PDE4D: variants seen among roughly 807,000 people sequenced by gnomAD.
PDE4D encodes the protein 3',5'-cyclic-AMP phosphodiesterase 4D.
Under a neutral mutation model 87.4 loss-of-function variants are expected in PDE4D, and 24 were observed. That is an observed-to-expected ratio of 0.27 (90% CI 0.20 to 0.39). The LOEUF (loss-of-function observed/expected upper bound fraction) is 0.39. Ranked by LOEUF, PDE4D falls within the 10% of genes least tolerant of loss-of-function variation. PDE4D has a pLI of 1.00. For missense variants in PDE4D, 714 were observed against 1,041.0 expected (o/e 0.69, Z 4.32); for synonymous variants, 384 against 383.2 (o/e 1.00, Z -0.02).
chr5:59,844,956 G>T (rs990606992), intron 1 of PDE4D, among the ~76,000 whole-genome samples: 2 of 152,066 alleles, frequency 1.3e-5, no homozygotes, highest in Admixed American at 6.6e-5. Context: ...AAGTGGCCAC[G>T]TTGTGAGAGG....
intron 1 of PDE4D, among the ~76,000 whole-genome samples, chr5:59,823,635 A>C (rs1051678876): frequency 6.6e-6 from 1 of 152,006 alleles, no homozygotes; most frequent in Admixed American, 6.6e-5. Flanking sequence ...AATGTAAATC[A>C]GTTTTGTCAT....
intron 1 of PDE4D, among the ~76,000 whole-genome samples, chr5:59,661,338 G>A (rs1343321563): frequency 6.6e-6 from 1 of 151,966 alleles, no homozygotes; most frequent in African/African-American, 2.4e-5. Context: ...CAAGTTAAGG[G>A]GCGAGACAGG....
chr5:59,574,114 A>ATATT (rs1822600139), intron 1 of PDE4D, among the ~76,000 whole-genome samples: 2 of 3,778 alleles, frequency 5.3e-4, no homozygotes, highest in African/African-American at 9.7e-4. Context: ...TTATATATAT[A>ATATT]TATAAATATA....
chr5:59,677,157 A>G (rs917507151), intron 1 of PDE4D, among the ~76,000 whole-genome samples: 1 of 152,124 alleles, frequency 6.6e-6, no homozygotes, highest in South Asian at 2.1e-4. Context: ...ATCTATTTGT[A>G]TATATACCCA....
chr5:59,600,505 A>C (rs939909775), intron 1 of PDE4D, among the ~76,000 whole-genome samples: 2 of 152,200 alleles, frequency 1.3e-5, no homozygotes, highest in African/African-American at 2.4e-5. Flanking sequence ...TTCATGTTAT[A>C]AGACAGTACA....
At chr5:59,708,762 A>G (rs549383228) in intron 1 of PDE4D, among the ~76,000 whole-genome samples, 1 of 152,312 alleles carries the variant, frequency 6.6e-6, no homozygotes, top group African/African-American at 2.4e-5. Flanking sequence ...CATGATGATT[A>G]ATTTGAACAT....
chr5:60,156,152 C>T (rs754558159), intron 2 of PDE4D, among the ~76,000 whole-genome samples: 62 of 152,304 alleles, frequency 4.1e-4, no homozygotes, highest in Non-Finnish European at 5.9e-4. Flanking sequence ...GATAAAACCA[C>T]AGTAATTGTT....
chr5:59,566,543 T>C (rs976524615), intron 1 of PDE4D, among the ~76,000 whole-genome samples: 2 of 117,102 alleles, frequency 1.7e-5, no homozygotes, highest in African/African-American at 7.7e-5. Flanking sequence ...CATGTGTGTG[T>C]GTGTGTGTGT....
chr5:59,001,271 C>CCTGTGCTTACTACT (rs1750486301), intron 6 of PDE4D, among the ~76,000 whole-genome samples: 1 of 152,114 alleles, frequency 6.6e-6, no homozygotes, highest in Non-Finnish European at 1.5e-5. Context: ...CATCTCAAAG[C>CCTGTGCTTACTACT]CTGTGCTTAC....
At position 59,200,616 on chromosome 5, in the gene PDE4D, C is replaced by T. The variant is rs1180233635; in HGVS notation, c.648-7080G>A. Among the ~76,000 whole-genome samples the T allele has an allele frequency of 4.6e-4, 62 of 135,204 alleles. 1 individual carries two copies. The highest frequency in any genetic ancestry group is 1.5e-3 in the East Asian group (7 of 4,572). The allele number at this position is 135,204 out of a possible 152,430, so 88.7% of individuals were successfully genotyped here. A position where few individuals can be genotyped will look rare whatever the true frequency, so the allele number is the denominator to read the frequency against. On this transcript the variant is annotated intron_variant, in intron 2 of 14. Transcript: ENST00000340635. ...ACATACACGTGTATGTACAGATACA[C>T]GTATACATACACGTGTATGTACAGA...
intron 2 of PDE4D, among the ~76,000 whole-genome samples, chr5:59,203,050 TC>T (rs1190158196): frequency 6.6e-6 from 1 of 152,260 alleles, no homozygotes; most frequent in East Asian, 1.9e-4. Context: ...AATAGGTCTT[TC>T]TCAAAACAAT....
At chr5:60,061,434 A>G (rs1018071375) in intron 2 of PDE4D, among the ~76,000 whole-genome samples, 2 of 152,186 alleles carry the variant, frequency 1.3e-5, no homozygotes, top group African/African-American at 2.4e-5. Flanking sequence ...ATAAGAGAGG[A>G]CACAAACAAA....
At chr5:59,313,656 T>C (rs1385974320) in intron 1 of PDE4D, among the ~76,000 whole-genome samples, 1 of 152,070 alleles carries the variant, frequency 6.6e-6, no homozygotes, top group African/African-American at 2.4e-5. Flanking sequence ...CCTAGCAAAA[T>C]GTAAGGTACA....
chr5:60,164,238 C>G (rs1256493354), intron 2 of PDE4D, among the ~76,000 whole-genome samples: 2 of 151,898 alleles, frequency 1.3e-5, no homozygotes, highest in Non-Finnish European at 2.9e-5. Flanking sequence ...AATAATAATT[C>G]TAAATATCAG....
At chr5:59,209,875 T>C (rs1056447269) in intron 2 of PDE4D, among the ~76,000 whole-genome samples, 1 of 152,234 alleles carries the variant, frequency 6.6e-6, no homozygotes, top group African/African-American at 2.4e-5. Flanking sequence ...TCCAAGCTAT[T>C]AGTTTTCCAG....
intron 1 of PDE4D, among the ~76,000 whole-genome samples, chr5:59,326,043 C>T (rs1775579830): frequency 6.6e-6 from 1 of 152,014 alleles, no homozygotes; most frequent in Admixed American, 6.6e-5. Flanking sequence ...CGCATGTTCT[C>T]ACTCATAGGT....
chr5:59,952,912 C>G (rs1758446125), intron 3 of PDE4D, among the ~76,000 whole-genome samples: 1 of 152,162 alleles, frequency 6.6e-6, no homozygotes, highest in Non-Finnish European at 1.5e-5. Context: ...TCTACCCTAC[C>G]TTGTTCAATT....
At chr5:59,934,598 T>C (rs866321514) in intron 3 of PDE4D, among the ~76,000 whole-genome samples, 5 of 152,228 alleles carry the variant, frequency 3.3e-5, no homozygotes, top group African/African-American at 1.2e-4. Flanking sequence ...GATATTTGCA[T>C]AGATCTATAA....
At chr5:59,588,033 T>C (rs1163590166) in intron 1 of PDE4D, among the ~76,000 whole-genome samples, 1 of 152,314 alleles carries the variant, frequency 6.6e-6, no homozygotes, top group Admixed American at 6.5e-5. Flanking sequence ...CCTTGTTTAC[T>C]TGATGATTTG....
Sources: gnomAD v4.1 joint callset for allele counts (sites outside exome capture counted in the v4.1 genomes callset) on GRCh38, gnomAD v4.1.1 for gene constraint, MANE v1.5 for transcripts, NCBI Gene and HGNC (gene_info 2026-07-23, HGNC 2026-07-21) for gene names.